Variants in ECT2L observed in about 807,000 individuals in gnomAD.
ECT2L encodes epithelial cell-transforming sequence 2 oncogene-like.
In ECT2L, 126 loss-of-function variants were observed where a neutral mutation model predicts 122.8. That is an observed-to-expected ratio of 1.03 (90% CI 0.89 to 1.19). The LOEUF (loss-of-function observed/expected upper bound fraction) is 1.19, where lower values mean the gene tolerates loss of function less well. ECT2L is among the 50% of genes most tolerant of loss of function. ECT2L has a pLI of 0.00. For synonymous variants in ECT2L, 385 were observed against 381.8 expected, an observed-to-expected ratio of 1.01 and a Z score of -0.10; for missense variants, 1,012 against 1,064.1, an observed-to-expected ratio of 0.95 and a Z score of 0.68.
Position 138,849,111 on chromosome 6 carries a change from A to T in ECT2L, c.904-158A>T, listed in dbSNP as rs557563875. Among the ~76,000 whole-genome samples, 72 of 152,218 alleles carry T rather than the reference A, an allele frequency of 4.7e-4. 1 individual carries two copies. The highest frequency in any genetic ancestry group is 8.4e-4 in the Non-Finnish European group (57 of 68,040). On this transcript the variant is annotated intron_variant, in intron 8 of 21. Coordinates refer to ENST00000541398, the MANE Select transcript of ECT2L (RefSeq NM_001077706.3). ...CTCCTCCTATAATTAGAAATAAACTAATTTTAATAGAAACCAAGGAGGAAG... is the reference window on the plus strand; with the variant it reads ...CTCCTCCTATAATTAGAAATAAACTTATTTTAATAGAAACCAAGGAGGAAG...
chr6:138,887,007 G>A lies in ECT2L; in HGVS notation c.2325+85G>A, dbSNP rs1051614566. The A allele has an allele frequency of 9.0e-6, 10 of 1,116,222 alleles. No homozygotes were observed. In the Admixed American group the frequency reaches 1.3e-4, roughly 15 times the overall value. 69.1% of individuals were successfully genotyped at this position (1,116,222 alleles called of 1,614,324 possible). On this transcript the variant is annotated intron_variant, in intron 19 of 21. Transcript: ENST00000541398. ...GCAAAAGGAGACCTACAGATCCCAA[G>A]GCAGCTAGTATTTGTGGAATGCCTG...
At chr6:138,840,453 G>A (rs565078707) in intron 5 of ECT2L, among the ~76,000 whole-genome samples, 3 of 151,718 alleles carry the variant, frequency 2.0e-5, no homozygotes, top group South Asian at 2.1e-4. Flanking sequence ...TTCCTTTTGC[G>A]TTCTATTTAA....
chr6:138,823,404 T>A, intron 4 of ECT2L: 2 of 1,609,030 alleles, frequency 1.2e-6, no homozygotes, highest in East Asian at 4.5e-5. Context: ...GGGGGTGTGC[T>A]ACTTTATCAC....
chr6:138,864,141 T>C (rs994169492), intron 11 of ECT2L, among the ~76,000 whole-genome samples: 1 of 147,968 alleles, frequency 6.8e-6, no homozygotes, highest in East Asian at 2.0e-4. Context: ...CCCAACATGG[T>C]GAAACCCCGT....
At chr6:138,892,042 T>C (rs1366196666) in intron 20 of ECT2L, among the ~76,000 whole-genome samples, 2 of 152,234 alleles carry the variant, frequency 1.3e-5, no homozygotes, top group Non-Finnish European at 1.5e-5. Flanking sequence ...TCTGTCTCTC[T>C]TCATCTGGTA....
intron 1 of ECT2L, among the ~76,000 whole-genome samples, chr6:138,797,978 TAG>T (rs1562445525): frequency 6.6e-6 from 1 of 152,238 alleles, no homozygotes; most frequent in Non-Finnish European, 1.5e-5. Context: ...ATTAATTTGC[TAG>T]AGTGACTCAC....
rs200520042 is a variant in ECT2L, at chr6:138,862,673, G to A, written c.1245G>A (p.Thr415=). 14 of 1,614,146 alleles carry A rather than the reference G, an allele frequency of 8.7e-6. No individual in the cohort carries two copies. The highest frequency in any genetic ancestry group is 6.7e-5 in the Admixed American group (4 of 60,032). Residue 415 remains threonine, a synonymous_variant, in exon 11 of 22, where the codon ACG becomes ACA. Coordinates refer to ENST00000541398, the MANE Select transcript of ECT2L (RefSeq NM_001077706.3). The part of the protein sequence containing the change: ...VLSQLSQLTG[T]FFTAPTGIAT... The stretch of plus-strand genomic sequence containing the variant: ...CCCAGCTGTCTCAACTAACTGGCAC[G>A]TTCTTTACGGCCCCCACTGGGATTG...
rs55646272 is a variant in ECT2L, at chr6:138,843,044, T to C, written c.408T>C (p.Asn136=). The change falls in exon 6 of 22, where the codon AAT becomes AAC. Residue 136 remains asparagine, a synonymous_variant. Transcript: ENST00000541398. Reference sequence around the variant, plus strand: ...TTCTGCCCTATACTCCAACAGATAATGAGTATGGTGCTTGGAAGCGCCATT... The same window carrying C: ...TTCTGCCCTATACTCCAACAGATAACGAGTATGGTGCTTGGAAGCGCCATT... ...GWFLPYTPTD[N]EYGAWKRHYI... 30,063 of 1,612,538 alleles carry C rather than the reference T, an allele frequency of 0.019. 361 individuals carry two copies. Among genetic ancestry groups the C allele is most frequent in the Middle Eastern group, 0.024 (147 of 6,052 alleles).
intron 4 of ECT2L, among the ~76,000 whole-genome samples, chr6:138,817,184 T>G (rs1776096943): frequency 6.6e-6 from 1 of 152,228 alleles, no homozygotes; most frequent in Non-Finnish European, 1.5e-5. Context: ...CATATTTTAT[T>G]TATCCACTCC....
chr6:138,848,461 C>T (rs563193598), intron 8 of ECT2L, among the ~76,000 whole-genome samples: 82 of 152,102 alleles, frequency 5.4e-4, no homozygotes, highest in African/African-American at 1.8e-3. Flanking sequence ...ACCTTTGTAT[C>T]TATATATGTG....
intron 4 of ECT2L, among the ~76,000 whole-genome samples, chr6:138,822,292 G>A (rs1264932681): frequency 6.6e-6 from 1 of 152,184 alleles, no homozygotes; most frequent in South Asian, 2.1e-4. Context: ...TGGCTCACGC[G>A]CCTGTAAGCT....
chr6:138,809,489 G>T (rs1241380443), intron 1 of ECT2L, among the ~76,000 whole-genome samples: 1 of 152,104 alleles, frequency 6.6e-6, no homozygotes, highest in Non-Finnish European at 1.5e-5. Context: ...GAAACTTTTT[G>T]TATATACTGA....
chr6:138,880,995 T>C lies in ECT2L; in HGVS notation c.1704T>C (p.Ala568=). 4 of 1,614,108 alleles carry C rather than the reference T, an allele frequency of 2.5e-6. No individual in the cohort carries two copies. Among genetic ancestry groups the C allele is most frequent in the Non-Finnish European group, 3.4e-6 (4 of 1,179,982 alleles). ...AGAAGGACTCAGCAGAAAAGCGAGC[T>C]AGAGTTGTCAGAGAACTCTTACAGA... ...ILQKDSAEKR[A]RVVRELLQSE... is the part of the protein sequence containing the mutation. Residue 568 remains alanine (A), a synonymous_variant, in exon 15 of 22, where the codon GCT becomes GCC. Coordinates refer to ENST00000541398, the MANE Select transcript of ECT2L (RefSeq NM_001077706.3).
At chr6:138,798,770 T>A (rs1775430212) in intron 1 of ECT2L, among the ~76,000 whole-genome samples, 1 of 152,208 alleles carries the variant, frequency 6.6e-6, no homozygotes, top group African/African-American at 2.4e-5. Context: ...ACTTTTATAT[T>A]TGAATGCTTG....
intron 11 of ECT2L, among the ~76,000 whole-genome samples, chr6:138,864,586 G>C (rs571376923): frequency 6.6e-6 from 1 of 152,172 alleles, no homozygotes; most frequent in Non-Finnish European, 1.5e-5. Flanking sequence ...TTCCATTGGC[G>C]ATGACAGGGT....
intron 4 of ECT2L, among the ~76,000 whole-genome samples, chr6:138,829,617 C>T (rs540001271): frequency 2.6e-5 from 4 of 152,310 alleles, no homozygotes; most frequent in African/African-American, 9.6e-5. Flanking sequence ...CACTACCACT[C>T]CCTATATCAT....
At chr6:138,858,051 C>T (rs1454201878) in intron 10 of ECT2L, among the ~76,000 whole-genome samples, 1 of 152,010 alleles carries the variant, frequency 6.6e-6, no homozygotes, top group African/African-American at 2.4e-5. Flanking sequence ...GGAGATTGCC[C>T]CCTTAATTCA....
chr6:138,804,758 A>C (rs116690688), intron 1 of ECT2L, among the ~76,000 whole-genome samples: 1,829 of 152,262 alleles, frequency 0.012, 43 homozygotes, highest in African/African-American at 0.041. Flanking sequence ...TTTTCAATAA[A>C]GTTTTATAAT....
intron 10 of ECT2L, among the ~76,000 whole-genome samples, chr6:138,857,956 A>C (rs375351739): frequency 1.3e-5 from 2 of 152,138 alleles, no homozygotes; most frequent in East Asian, 3.9e-4. Flanking sequence ...GAGGAGGAAG[A>C]ATGAGAACTG....
Sources: gnomAD v4.1 joint callset for allele counts (sites outside exome capture counted in the v4.1 genomes callset) on GRCh38, gnomAD v4.1.1 for gene constraint, MANE v1.5 for transcripts, NCBI Gene and HGNC (gene_info 2026-07-23, HGNC 2026-07-21) for gene names.